The following PTK2B variants were observed in gnomAD, a reference collection of about 807,000 sequenced individuals.
PTK2B encodes the protein protein tyrosine kinase 2 beta.
Under a neutral mutation model 142.9 loss-of-function variants are expected in PTK2B, and 71 were observed. The observed-to-expected ratio is 0.50, with a 90% confidence interval of 0.41 to 0.61. The LOEUF is 0.61. Among genes scored for constraint, PTK2B ranks in the 20% least tolerant of loss-of-function variants. The pLI is 0.00. For synonymous variants in PTK2B, 519 were observed against 503.4 expected (o/e 1.03, Z -0.42); for missense variants, 1,105 against 1,320.4 (o/e 0.84, Z 2.53).
At chr8:27,430,715 A>G (rs888393112) in intron 7 of PTK2B, among the ~76,000 whole-genome samples, 161 bp from the exon 8 acceptor site, 1 of 152,118 alleles carries the variant, frequency 6.6e-6, no homozygotes, top group Admixed American at 6.5e-5. Flanking sequence ...CTCCCTTGAG[A>G]CAATGGGTAT....
At chr8:27,380,330 A>G (rs926007275) in intron 1 of PTK2B, among the ~76,000 whole-genome samples, 4 of 151,754 alleles carry the variant, frequency 2.6e-5, no homozygotes, top group Non-Finnish European at 5.9e-5. Flanking sequence ...TTCCCTTTGT[A>G]TTTTATTTGA....
At chr8:27,404,473 C>T (rs999271214) in intron 2 of PTK2B, among the ~76,000 whole-genome samples, 1 of 152,208 alleles carries the variant, frequency 6.6e-6, no homozygotes, top group Non-Finnish European at 1.5e-5. Flanking sequence ...TCAGGAGGGG[C>T]AGAGGCTGCA....
chr8:27,447,948 G>A (rs1035920083), intron 24 of PTK2B, among the ~76,000 whole-genome samples: 5 of 152,284 alleles, frequency 3.3e-5, no homozygotes, highest in Admixed American at 1.3e-4. Context: ...GGTGCTGAAG[G>A]GGGGAGGCGC....
intron 3 of PTK2B, among the ~76,000 whole-genome samples, chr8:27,314,506 A>C (rs1463308656): frequency 6.6e-6 from 1 of 152,240 alleles, no homozygotes; most frequent in East Asian, 1.9e-4. Flanking sequence ...CATAAGGCCA[A>C]TTCACACTTC....
At chr8:27,457,897 C>G (rs530735091) in intron 30 of PTK2B, among the ~76,000 whole-genome samples, 1 of 149,572 alleles carries the variant, frequency 6.7e-6, no homozygotes, top group Non-Finnish European at 1.5e-5. Flanking sequence ...ATTGTTTGAA[C>G]CCAGGAGGCG....
upstream of PTK2B, among the ~76,000 whole-genome samples, chr8:27,321,276 A>C (rs946379360): frequency 6.6e-6 from 1 of 152,126 alleles, no homozygotes; most frequent in Admixed American, 6.5e-5. Flanking sequence ...GATTATAGGC[A>C]TGAGCCACCA....
intron 1 of PTK2B, among the ~76,000 whole-genome samples, chr8:27,391,466 C>G: frequency 6.6e-6 from 1 of 152,222 alleles, no homozygotes; most frequent in Non-Finnish European, 1.5e-5. Flanking sequence ...CCTCTGGTGT[C>G]TGCCTCCCCA....
At chr8:27,392,440 C>G (rs966553298) in intron 1 of PTK2B, among the ~76,000 whole-genome samples, 21 of 151,990 alleles carry the variant, frequency 1.4e-4, no homozygotes, top group African/African-American at 5.1e-4. Flanking sequence ...CACTGGTGTC[C>G]CACTTTATTG....
Position 27,386,328 on chromosome 8 carries a change from G to A in PTK2B, c.-37-11220G>A, listed in dbSNP as rs145908271. 3.8e-3 allele frequency among the ~76,000 whole-genome samples: 571 copies of A among 152,234 alleles called. 2 individuals carry two copies. The highest frequency in any genetic ancestry group is 0.013 in the African/African-American group (523 of 41,530). On this transcript the variant is annotated intron_variant, in intron 1 of 30. Transcript: ENST00000346049. ...TAGATGCGGTATGTTTCCCAACGTT[G>A]GGTAGCAAGATCAACACATGTGAGT...
chr8:27,440,124 G>A, intron 20 of PTK2B, 113 bp from the exon 21 acceptor site: 4 of 1,078,188 alleles, frequency 3.7e-6, no homozygotes, highest in Middle Eastern at 2.9e-4. Context: ...GGAGGAGGAG[G>A]AGGGACCGCA....
intron 1 of PTK2B, among the ~76,000 whole-genome samples, chr8:27,327,726 G>GA (rs1803505474): frequency 2.6e-5 from 4 of 152,270 alleles, no homozygotes; most frequent in South Asian, 2.1e-4. Flanking sequence ...TGGTACCTCA[G>GA]AAAAAACGAC....
intron 1 of PTK2B, among the ~76,000 whole-genome samples, chr8:27,357,332 G>A (rs370619550): frequency 4.6e-5 from 7 of 152,334 alleles, no homozygotes; most frequent in African/African-American, 1.7e-4. Flanking sequence ...CTCACCACTT[G>A]TATGGTTCCA....
intron 2 of PTK2B, among the ~76,000 whole-genome samples, chr8:27,415,028 G>A (rs1488437590): frequency 1.3e-5 from 2 of 152,220 alleles, no homozygotes; most frequent in Admixed American, 6.5e-5. Context: ...GTCTGCGAAG[G>A]AGATTGCTGT....
intron 28 of PTK2B, among the ~76,000 whole-genome samples, chr8:27,453,824 T>C (rs527840506): frequency 1.7e-4 from 26 of 152,282 alleles, no homozygotes; most frequent in African/African-American, 6.0e-4. Flanking sequence ...TAGTGAGCTA[T>C]GACTGTGCCA....
At chr8:27,439,532 T>G in intron 20 of PTK2B, 134 bp downstream of exon 20, 3 of 960,864 alleles carry the variant, frequency 3.1e-6, no homozygotes, top group Admixed American at 2.1e-5. Context: ...CTGTGGCCAC[T>G]GAGAAGTCTC....
intron 20 of PTK2B, among the ~76,000 whole-genome samples, chr8:27,439,847 A>T (rs1050570322): frequency 1.3e-5 from 2 of 152,152 alleles, no homozygotes; most frequent in African/African-American, 4.8e-5. Flanking sequence ...ACGAAAACTG[A>T]GGCTCAGATG....
intron 1 of PTK2B, among the ~76,000 whole-genome samples, chr8:27,353,828 G>A (rs1413851699): frequency 6.6e-6 from 1 of 152,224 alleles, no homozygotes; most frequent in Non-Finnish European, 1.5e-5. Context: ...AAGAGCCTCA[G>A]CAGAAATGGG....
intron 1 of PTK2B, among the ~76,000 whole-genome samples, chr8:27,346,818 G>T (rs1804738745): frequency 6.6e-6 from 1 of 152,212 alleles, no homozygotes; most frequent in Non-Finnish European, 1.5e-5. Flanking sequence ...ATAACTCATG[G>T]CTGGAAAGTT....
intron 30 of PTK2B, among the ~76,000 whole-genome samples, chr8:27,456,987 C>T (rs1157165299): frequency 6.6e-6 from 1 of 152,206 alleles, no homozygotes; most frequent in Non-Finnish European, 1.5e-5. Context: ...AAAGAAATCA[C>T]CTCTGTAACA....
Sources: gnomAD v4.1 joint callset for allele counts (sites outside exome capture counted in the v4.1 genomes callset) on GRCh38, gnomAD v4.1.1 for gene constraint, MANE v1.5 for transcripts, NCBI Gene and HGNC (gene_info 2026-07-23, HGNC 2026-07-21) for gene names.